The following DNAJB4 variants were observed in gnomAD, a reference collection of about 807,000 sequenced individuals.
DNAJB4 encodes the protein DnaJ heat shock protein family (Hsp40) member B4.
Under a neutral mutation model 26.6 loss-of-function variants are expected in DNAJB4, and 10 were observed. That is an observed-to-expected ratio of 0.38 (90% CI 0.23 to 0.64). DNAJB4 has a LOEUF of 0.64. DNAJB4 is among the 30% of genes least tolerant of loss of function. The pLI, the probability that DNAJB4 is intolerant of heterozygous loss-of-function variation, is 0.58. For missense variants in DNAJB4, 328 were observed against 408.2 expected, an observed-to-expected ratio of 0.80 and a Z score of 1.69; for synonymous variants, 136 against 134.8, an observed-to-expected ratio of 1.01 and a Z score of -0.06.
intron 1 of DNAJB4, among the ~76,000 whole-genome samples, chr1:77,988,752 GC>G (rs1219523619): frequency 6.6e-6 from 1 of 151,904 alleles, no homozygotes; most frequent in Non-Finnish European, 1.5e-5. Context: ...ATTTTTCTTA[GC>G]TTTTATCACC....
chr1:77,992,300 C>A (rs12079127), intron 1 of DNAJB4, among the ~76,000 whole-genome samples: 1 of 146,632 alleles, frequency 6.8e-6, no homozygotes, highest in Non-Finnish European at 1.5e-5. Flanking sequence ...GTAGTCCCAG[C>A]TACTTGGGAG....
At chr1:78,006,432 T>C (rs12731701) in intron 1 of DNAJB4, among the ~76,000 whole-genome samples, 2 of 152,224 alleles carry the variant, frequency 1.3e-5, no homozygotes, top group African/African-American at 2.4e-5. Context: ...GAAAACTTGT[T>C]ATCCCTTTGA....
upstream of DNAJB4, among the ~76,000 whole-genome samples, chr1:78,002,387 G>C (rs72685384): frequency 3.3e-3 from 508 of 152,278 alleles, no homozygotes; most frequent in Non-Finnish European, 5.6e-3. Flanking sequence ...CTAGGTAGTA[G>C]AGAAGACATC....
Position 78,005,184 on chromosome 1 carries a change from G to A in DNAJB4, c.74G>A (p.Arg25Gln), listed in dbSNP as rs1660297324. Residue 25 changes from arginine (R) to glutamine (Q), a missense_variant, in exon 1 of 3, where the codon CGA (arginine) becomes CAA (glutamine). Coordinates refer to ENST00000370763, the MANE Select transcript of DNAJB4 (RefSeq NM_007034.5). The part of the protein sequence containing the change: ...ASDEDIKKAY[R>Q]KQALKFHPDK... The stretch of plus-strand genomic sequence containing the variant: ...GATGAAGATATTAAAAAGGCTTACC[G>A]AAAACAAGCCCTCAAATTTCATCCG... The A allele has an allele frequency of 2.5e-6, 4 of 1,614,116 alleles. No individual in the cohort carries two copies. Among genetic ancestry groups the A allele is most frequent in the Non-Finnish European group, 3.4e-6 (4 of 1,179,984 alleles).
intron 1 of DNAJB4, among the ~76,000 whole-genome samples, chr1:77,999,147 G>C (rs7524711): frequency 0.093 from 14,111 of 152,046 alleles, 1,230 homozygotes; most frequent in African/African-American, 0.23. Context: ...GTTATTAAAT[G>C]GCCAATAATT....
intron 1 of DNAJB4, among the ~76,000 whole-genome samples, chr1:77,994,405 A>G (rs1045723371): frequency 9.9e-5 from 15 of 151,986 alleles, no homozygotes; most frequent in African/African-American, 3.6e-4. Flanking sequence ...CAAAAAAAAA[A>G]AAAAAAGAAA....
In DNAJB4 at chr1:78,016,267, CAT is replaced by C; in HGVS notation, c.*23_*24del. ...TCATAGAATGAAGAACTTTGTTACA[CAT>C]ATTTTGATAAGGCACTGAAAATATA... is the stretch of plus-strand genomic sequence containing the variant. On this transcript the variant is annotated 3_prime_UTR_variant, in exon 3 of 3. Coordinates refer to ENST00000370763, the MANE Select transcript of DNAJB4 (RefSeq NM_007034.5). 1 of 1,594,962 alleles carries C rather than the reference CAT, an allele frequency of 6.3e-7. No individual in the cohort carries two copies. The highest frequency in any genetic ancestry group is 1.7e-5 in the Admixed American group (1 of 59,104).
intron 1 of DNAJB4, 33 bp from the exon 2 acceptor site, chr1:78,013,018 C>A: frequency 6.6e-7 from 1 of 1,512,296 alleles, no homozygotes; most frequent in Middle Eastern, 1.8e-4. Flanking sequence ...GAGTTGCAAG[C>A]TTTTTTCTAA....
At chr1:77,999,628 A>C (rs1053577945) in intron 1 of DNAJB4, among the ~76,000 whole-genome samples, 3 of 152,198 alleles carry the variant, frequency 2.0e-5, no homozygotes, top group Non-Finnish European at 4.4e-5. Context: ...AAGTGGTAGC[A>C]AAATAGTTTA....
chr1:77,996,872 C>T (rs1272419387), intron 1 of DNAJB4, among the ~76,000 whole-genome samples: 1 of 152,078 alleles, frequency 6.6e-6, no homozygotes, highest in Admixed American at 6.5e-5. Flanking sequence ...GAGACAGGAT[C>T]TCCCTCTGTC....
At chr1:77,981,661 A>G (rs989993749) in intron 1 of DNAJB4, among the ~76,000 whole-genome samples, 8 of 152,188 alleles carry the variant, frequency 5.3e-5, no homozygotes, top group Non-Finnish European at 1.0e-4. Flanking sequence ...AATGCTTGAG[A>G]CAAAGGTTCT....
intron 2 of DNAJB4, among the ~76,000 whole-genome samples, chr1:78,015,550 C>CTTTTTTTTTTTTTTTTTTTTTT (rs766899519): frequency 5.2e-5 from 3 of 57,810 alleles, no homozygotes; most frequent in African/African-American, 1.2e-4. Context: ...TTTCTTTCTT[C>CTTTTTTTTTTTTTTTTTTTTTT]TTTTTTTTTT....
intron 1 of DNAJB4, among the ~76,000 whole-genome samples, chr1:78,007,736 T>C (rs1156269606): frequency 6.6e-6 from 1 of 152,250 alleles, no homozygotes; most frequent in Non-Finnish European, 1.5e-5. Context: ...TTAGATACAC[T>C]GTGAAAGTAG....
At chr1:77,997,204 G>A (rs929814325) in intron 1 of DNAJB4, among the ~76,000 whole-genome samples, 1 of 151,484 alleles carries the variant, frequency 6.6e-6, no homozygotes, top group African/African-American at 2.4e-5. Context: ...TTTCAGCTGG[G>A]TGCAGTTGCA....
chr1:77,979,921 T>TA (rs1341046869), upstream of DNAJB4, among the ~76,000 whole-genome samples: 1 of 152,102 alleles, frequency 6.6e-6, no homozygotes, highest in African/African-American at 2.4e-5. Flanking sequence ...CTCGCTCTGT[T>TA]ACCCAGGCTG....
intron 1 of DNAJB4, among the ~76,000 whole-genome samples, chr1:77,993,458 T>C (rs1314717215): frequency 6.6e-6 from 1 of 152,014 alleles, no homozygotes; most frequent in African/African-American, 2.4e-5. Flanking sequence ...GGACTACAAG[T>C]GTGTGCCACC....
chr1:78,004,275 T>C (rs1660263286), upstream of DNAJB4: 1 of 152,198 alleles, frequency 6.6e-6, no homozygotes, highest in South Asian at 2.1e-4. Flanking sequence ...CAAAAATAAG[T>C]ATTTGTTTGC....
intron 1 of DNAJB4, among the ~76,000 whole-genome samples, chr1:77,998,891 C>G (rs1181787658): frequency 6.6e-6 from 1 of 151,986 alleles, no homozygotes; most frequent in Non-Finnish European, 1.5e-5. Context: ...ATCTTGGCAA[C>G]ACATACACAA....
At chr1:78,008,455 G>A (rs181442148) in intron 1 of DNAJB4, among the ~76,000 whole-genome samples, 2 of 152,262 alleles carry the variant, frequency 1.3e-5, no homozygotes, top group Admixed American at 1.3e-4. Context: ...ATGAACCTCA[G>A]AAACTATGCT....
Sources: gnomAD v4.1 joint callset for allele counts (sites outside exome capture counted in the v4.1 genomes callset) on GRCh38, gnomAD v4.1.1 for gene constraint, MANE v1.5 for transcripts, NCBI Gene and HGNC (gene_info 2026-07-23, HGNC 2026-07-21) for gene names.